Variants in PLD5 observed in about 807,000 individuals in gnomAD.
PLD5 encodes phospholipase D family member 5.
A neutral mutation model predicts 61.1 loss-of-function variants in PLD5; 36 were observed. The observed-to-expected ratio is 0.59, with a 90% confidence interval of 0.45 to 0.78. The LOEUF (loss-of-function observed/expected upper bound fraction) is 0.78, where lower values mean the gene tolerates loss of function less well. PLD5 is among the 30% of genes least tolerant of loss of function. The pLI is 0.00. For synonymous variants in PLD5, 243 were observed against 242.8 expected, an observed-to-expected ratio of 1.00 and a Z score of -0.01; for missense variants, 515 against 644.4, an observed-to-expected ratio of 0.80 and a Z score of 2.17.
intron 8 of PLD5, among the ~76,000 whole-genome samples, chr1:242,102,925 A>C (rs576295350): frequency 4.3e-4 from 65 of 152,362 alleles, no homozygotes; most frequent in African/African-American, 1.5e-3. Context: ...GGTTGCAATG[A>C]TGGATGCTAC....
intron 5 of PLD5, among the ~76,000 whole-genome samples, chr1:242,125,072 C>T (rs758797311): frequency 6.6e-6 from 1 of 152,072 alleles, no homozygotes; most frequent in Non-Finnish European, 1.5e-5. Flanking sequence ...ATTCTGGAGT[C>T]AGACTGCCTG....
rs538550369 is a variant in PLD5, at chr1:242,183,605, A to C, written c.735+36383T>G. Among the ~76,000 whole-genome samples, 294 of 152,224 alleles carry C rather than the reference A, an allele frequency of 1.9e-3. 2 individuals carry two copies. Among genetic ancestry groups the C allele is most frequent in the South Asian group, 0.016 (76 of 4,822 alleles). Reference sequence around the variant, plus strand: ...TTTCATGACATCCCTAAGCCAAAACAAACACCTAGGCCGGGCGCGGTGGCT... The same window carrying C: ...TTTCATGACATCCCTAAGCCAAAACCAACACCTAGGCCGGGCGCGGTGGCT... On this transcript the variant is annotated intron_variant, in intron 5 of 9. Transcript: ENST00000536534.
At chr1:242,168,930 A>C (rs878881647) in intron 5 of PLD5, among the ~76,000 whole-genome samples, 2 of 146,450 alleles carry the variant, frequency 1.4e-5, no homozygotes, top group Admixed American at 7.2e-5. Context: ...GCTACTTATA[A>C]AGACAAAGAA....
chr1:242,219,139 T>C (rs944074028), intron 5 of PLD5, among the ~76,000 whole-genome samples: 1 of 152,212 alleles, frequency 6.6e-6, no homozygotes. Context: ...TTAAAATCTG[T>C]TCTAATGCAT....
intron 3 of PLD5, among the ~76,000 whole-genome samples, chr1:242,270,097 AATTCTGAGGCTT>A (rs888513068): frequency 1.9e-4 from 29 of 151,556 alleles, no homozygotes; most frequent in Admixed American, 1.9e-3. Flanking sequence ...AGAGAAACTT[AATTCTGAGGCTT>A]ATGTAGACTC....
At chr1:242,368,288 A>G (rs1409070420) in intron 1 of PLD5, among the ~76,000 whole-genome samples, 4 of 151,476 alleles carry the variant, frequency 2.6e-5, no homozygotes, top group Non-Finnish European at 5.9e-5. Flanking sequence ...AGAGCCCTGA[A>G]CCACCTGCAT....
chr1:242,294,854 C>T (rs1268128193), intron 2 of PLD5, among the ~76,000 whole-genome samples: 3 of 152,130 alleles, frequency 2.0e-5, no homozygotes, highest in African/African-American at 4.8e-5. Flanking sequence ...TACTAAAATG[C>T]TTCTACATAT....
At chr1:242,372,365 GC>G in intron 1 of PLD5, among the ~76,000 whole-genome samples, 1 of 152,168 alleles carries the variant, frequency 6.6e-6, no homozygotes. Flanking sequence ...TGGCCATACT[GC>G]CCAAGGTAAT....
At chr1:242,235,040 G>A (rs539719801) in intron 4 of PLD5, among the ~76,000 whole-genome samples, 6 of 152,232 alleles carry the variant, frequency 3.9e-5, no homozygotes, top group African/African-American at 9.6e-5. Flanking sequence ...ATAGAGTTTC[G>A]TGAGCTCTAA....
intron 5 of PLD5, among the ~76,000 whole-genome samples, chr1:242,127,223 A>C (rs1232241340): frequency 6.6e-6 from 1 of 152,218 alleles, no homozygotes; most frequent in African/African-American, 2.4e-5. Flanking sequence ...AACTAGTACA[A>C]CCACTATGGA....
chr1:242,366,588 C>G (rs542907990), intron 1 of PLD5, among the ~76,000 whole-genome samples: 1 of 152,238 alleles, frequency 6.6e-6, no homozygotes, highest in Admixed American at 6.5e-5. Context: ...CAACAAATTA[C>G]CATTACCATT....
At chr1:242,521,498 T>C (rs1385352737) in intron 1 of PLD5, among the ~76,000 whole-genome samples, 1 of 152,224 alleles carries the variant, frequency 6.6e-6, no homozygotes, top group Non-Finnish European at 1.5e-5. Flanking sequence ...GTTATTATGA[T>C]GACCAAATAT....
intron 1 of PLD5, among the ~76,000 whole-genome samples, chr1:242,465,050 C>T (rs995476509): frequency 6.6e-6 from 1 of 152,042 alleles, no homozygotes; most frequent in Non-Finnish European, 1.5e-5. Flanking sequence ...TATGGGGTGA[C>T]AAAAATGTTT....
intron 5 of PLD5, among the ~76,000 whole-genome samples, chr1:242,154,381 T>C (rs1665178066): frequency 6.6e-6 from 1 of 152,276 alleles, no homozygotes; most frequent in African/African-American, 2.4e-5. Context: ...AATACTATGT[T>C]GAATAGGAGT....
intron 2 of PLD5, among the ~76,000 whole-genome samples, chr1:242,289,777 T>C (rs1046760771): frequency 1.3e-5 from 2 of 152,204 alleles, no homozygotes; most frequent in African/African-American, 2.4e-5. Context: ...CACAAAATAC[T>C]TACAGAATAA....
chr1:242,111,959 C>G (rs558956639), intron 7 of PLD5, among the ~76,000 whole-genome samples: 339 of 152,058 alleles, frequency 2.2e-3, no homozygotes, highest in Non-Finnish European at 3.9e-3. Flanking sequence ...ATTTTAGATC[C>G]TCCGTGCTAA....
At chr1:242,308,551 A>C (rs1676511331) in intron 2 of PLD5, among the ~76,000 whole-genome samples, 1 of 152,228 alleles carries the variant, frequency 6.6e-6, no homozygotes, top group East Asian at 1.9e-4. Context: ...GTATGTACAG[A>C]AGTGAGTGTG....
At chr1:242,467,771 G>A (rs1279606608) in intron 1 of PLD5, among the ~76,000 whole-genome samples, 1 of 152,130 alleles carries the variant, frequency 6.6e-6, no homozygotes, top group Non-Finnish European at 1.5e-5. Context: ...ACTACTGAAC[G>A]ATGGTTCCCA....
At chr1:242,148,776 T>C (rs955022845) in intron 5 of PLD5, among the ~76,000 whole-genome samples, 1 of 151,942 alleles carries the variant, frequency 6.6e-6, no homozygotes, top group Non-Finnish European at 1.5e-5. Context: ...CTCATGCTAT[T>C]GGTTGGGAAC....
Sources: gnomAD v4.1 joint callset for allele counts (sites outside exome capture counted in the v4.1 genomes callset) on GRCh38, gnomAD v4.1.1 for gene constraint, MANE v1.5 for transcripts, NCBI Gene and HGNC (gene_info 2026-07-23, HGNC 2026-07-21) for gene names.